Variants in EYS observed in about 807,000 individuals in gnomAD.
EYS encodes the protein protein eyes shut homolog.
Under a neutral mutation model 282.1 loss-of-function variants are expected in EYS, and 250 were observed. The ratio of observed to expected loss-of-function variants is 0.89; its 90% CI spans 0.80 to 0.98. The LOEUF is 0.98. Ranked by LOEUF, EYS falls within the 50% of genes least tolerant of loss-of-function variation. The pLI is 0.00. For missense variants in EYS, 4,016 were observed against 3,709.0 expected, an observed-to-expected ratio of 1.08 and a Z score of -2.15; for synonymous variants, 1,355 against 1,282.9, an observed-to-expected ratio of 1.06 and a Z score of -1.20.
chr6:64,395,505 C>A (rs541775694), intron 28 of EYS, among the ~76,000 whole-genome samples: 2 of 151,972 alleles, frequency 1.3e-5, no homozygotes, highest in Non-Finnish European at 2.9e-5. Flanking sequence ...AATTGGAAAT[C>A]ATCATTCTCA....
At chr6:64,965,982 CTGTG>C (rs1770083410) in intron 14 of EYS, among the ~76,000 whole-genome samples, 3 of 149,090 alleles carry the variant, frequency 2.0e-5, no homozygotes, top group Non-Finnish European at 4.5e-5. Context: ...GTGTGTGCGC[CTGTG>C]TGTGTATTTC....
chr6:64,488,757 G>A (rs1211343533), intron 26 of EYS, among the ~76,000 whole-genome samples: 1 of 150,982 alleles, frequency 6.6e-6, no homozygotes, highest in African/African-American at 2.4e-5. Flanking sequence ...GCATGCTAAA[G>A]TTACAAGACT....
intron 22 of EYS, among the ~76,000 whole-genome samples, chr6:64,650,122 TA>T (rs1245811472): frequency 1.3e-5 from 2 of 152,026 alleles, no homozygotes; most frequent in Non-Finnish European, 2.9e-5. Context: ...AGAGAAAATA[TA>T]AATTTAAATG....
Position 64,809,289 on chromosome 6 carries a change from A to G in EYS, c.3443+4089T>C, listed in dbSNP as rs73768421. Among the ~76,000 whole-genome samples the G allele has an allele frequency of 9.4e-3, 1,427 of 152,168 alleles. 22 individuals are homozygous for G. Among genetic ancestry groups the G allele is most frequent in the African/African-American group, 0.033 (1,358 of 41,528 alleles). On this transcript the variant is annotated intron_variant, in intron 22 of 42. Transcript: ENST00000503581. The stretch of plus-strand genomic sequence containing the variant: ...CTATATGAACTTTGAAAAAAATCAA[A>G]CTCTTGGAATAAACTAACTACTCTG...
chr6:65,098,257 A>C (rs2150181923), intron 12 of EYS, among the ~76,000 whole-genome samples: 1 of 150,872 alleles, frequency 6.6e-6, no homozygotes, highest in Non-Finnish European at 1.5e-5. Context: ...GGAATCAGTA[A>C]ATGCATTTTC....
At chr6:65,154,253 G>A (rs1238758041) in intron 12 of EYS, among the ~76,000 whole-genome samples, 1 of 151,274 alleles carries the variant, frequency 6.6e-6, no homozygotes, top group Non-Finnish European at 1.5e-5. Flanking sequence ...CGTAGGTACA[G>A]GTGAAAGGAA....
intron 12 of EYS, among the ~76,000 whole-genome samples, chr6:65,066,470 A>C (rs1282722897): frequency 6.6e-6 from 1 of 152,188 alleles, no homozygotes. Context: ...ATAAATGAAT[A>C]CTTTTTTGTA....
At chr6:65,483,763 T>A (rs1384549970) in intron 5 of EYS, among the ~76,000 whole-genome samples, 1 of 152,120 alleles carries the variant, frequency 6.6e-6, no homozygotes, top group Admixed American at 6.6e-5. Context: ...GAAAGAAGTT[T>A]AACGGACCTA....
At chr6:63,946,530 C>G (rs1353755677) in intron 35 of EYS, among the ~76,000 whole-genome samples, 1 of 151,972 alleles carries the variant, frequency 6.6e-6, no homozygotes, top group Non-Finnish European at 1.5e-5. Flanking sequence ...TATAGGAGGT[C>G]TTACGCTACA....
At chr6:65,604,174 A>G (rs1765704219) in intron 2 of EYS, among the ~76,000 whole-genome samples, 1 of 151,954 alleles carries the variant, frequency 6.6e-6, no homozygotes, top group South Asian at 2.1e-4. Context: ...ATTAATACTC[A>G]TGAACAATGT....
chr6:63,808,709 G>A (rs978818936), intron 36 of EYS, among the ~76,000 whole-genome samples: 2 of 152,090 alleles, frequency 1.3e-5, no homozygotes, highest in East Asian at 3.8e-4. Flanking sequence ...GAAGACTGAT[G>A]ATAACCATGA....
rs555746249 is a variant in EYS at position 65,526,392 on chromosome 6, C to A, written c.-332-30399G>T. On this transcript the variant is annotated intron_variant, in intron 2 of 42. Coordinates refer to ENST00000503581, the MANE Select transcript of EYS (RefSeq NM_001142800.2). ...CGAAATATCTTAGAATATTTCTTTTCTCTTAAAAGATGCCATCACTCTTCT... is the reference window on the plus strand; with the variant it reads ...CGAAATATCTTAGAATATTTCTTTTATCTTAAAAGATGCCATCACTCTTCT... Among the ~76,000 whole-genome samples, 4 of 152,228 alleles carry A rather than the reference C, an allele frequency of 2.6e-5. No homozygotes were observed. In the South Asian group the frequency reaches 8.3e-4, roughly 32 times the overall value.
chr6:64,183,941 T>G (rs1764858077), intron 31 of EYS, among the ~76,000 whole-genome samples: 1 of 152,158 alleles, frequency 6.6e-6, no homozygotes, highest in South Asian at 2.1e-4. Flanking sequence ...AATTTTAAAT[T>G]TCAATTTCTT....
At chr6:64,962,762 T>C (rs898566806) in intron 14 of EYS, among the ~76,000 whole-genome samples, 3 of 151,042 alleles carry the variant, frequency 2.0e-5, no homozygotes, top group African/African-American at 7.3e-5. Context: ...CCAACAACCC[T>C]CAAAAAAAGA....
intron 31 of EYS, among the ~76,000 whole-genome samples, chr6:64,088,411 A>C (rs543873731): frequency 6.6e-6 from 1 of 151,252 alleles, no homozygotes; most frequent in South Asian, 2.1e-4. Context: ...CAATGTTTGA[A>C]TGTCTTAAAA....
intron 11 of EYS, among the ~76,000 whole-genome samples, chr6:65,327,414 T>C (rs931366251): frequency 2.0e-5 from 3 of 151,536 alleles, no homozygotes; most frequent in Non-Finnish European, 4.4e-5. Context: ...TTGTGTTTTA[T>C]TTATTTATTT....
chr6:64,429,317 G>A (rs1242195500), intron 28 of EYS, among the ~76,000 whole-genome samples: 1 of 152,082 alleles, frequency 6.6e-6, no homozygotes, highest in African/African-American at 2.4e-5. Flanking sequence ...CAATTTATCA[G>A]AGCACTGGAA....
chr6:64,970,880 A>G (rs1175065641), intron 14 of EYS, among the ~76,000 whole-genome samples: 2 of 152,180 alleles, frequency 1.3e-5, no homozygotes, highest in East Asian at 3.9e-4. Flanking sequence ...TGTGATAAAG[A>G]AAAGAAAATT....
chr6:64,424,416 T>C (rs561924659), intron 28 of EYS, among the ~76,000 whole-genome samples: 1 of 152,350 alleles, frequency 6.6e-6, no homozygotes, highest in Admixed American at 6.5e-5. Flanking sequence ...ATTGTGAGCA[T>C]GCAAATAATT....
Sources: gnomAD v4.1 joint callset for allele counts (sites outside exome capture counted in the v4.1 genomes callset) on GRCh38, gnomAD v4.1.1 for gene constraint, MANE v1.5 for transcripts, NCBI Gene and HGNC (gene_info 2026-07-23, HGNC 2026-07-21) for gene names.